Variants in ZNF841 observed in about 807,000 individuals in gnomAD.
The protein encoded by ZNF841 is TCONS_00006091.
Under a neutral mutation model 13.0 loss-of-function variants are expected in ZNF841, and 11 were observed. The observed-to-expected ratio is 0.85, with a 90% CI of 0.53 to 1.40. ZNF841 has a LOEUF of 1.40. Among genes scored for constraint, ZNF841 ranks in the 40% most tolerant of loss-of-function variants. ZNF841 has a pLI of 0.00. For missense variants in ZNF841, 1,068 were observed against 1,139.5 expected (o/e 0.94, Z 0.90); for synonymous variants, 369 against 381.6 (o/e 0.97, Z 0.38).
At chr19:52,058,645 C>T in the ZNF841 span, 3 of 152,490 alleles carry the variant, frequency 2.0e-5, no homozygotes, top group South Asian at 4.1e-4. Context: ...AAAGTGCTTC[C>T]GAAATACTGC....
chr19:52,084,814 T>C lies in ZNF841; in HGVS notation c.-13A>G, dbSNP rs1568546505. On this transcript the variant is annotated 5_prime_UTR_variant, in exon 4 of 7. Coordinates refer to ENST00000594440, the MANE Select transcript of ZNF841 (RefSeq NM_001136499.2). ...GAGGAAGAGCCATCCCTGGCTCCTT[T>C]TCTTTCTTCTTTCTCTCCTGGGCCT... 2 of 1,612,712 alleles carry C rather than the reference T, an allele frequency of 1.2e-6. No homozygotes were observed. Among genetic ancestry groups the C allele is most frequent in the Admixed American group, 1.7e-5 (1 of 59,706 alleles).
chr19:52,095,179 CAACGGGGAG>C (rs2088627168), intron 1 of ZNF841, among the ~76,000 whole-genome samples: 1 of 152,158 alleles, frequency 6.6e-6, no homozygotes, highest in Non-Finnish European at 1.5e-5. Flanking sequence ...TAACCTGTCC[CAACGGGGAG>C]TCAAGAAAAG....
At chr19:52,070,385 C>G (rs2087705451) in intron 6 of ZNF841, among the ~76,000 whole-genome samples, 1 of 152,108 alleles carries the variant, frequency 6.6e-6, no homozygotes, top group Non-Finnish European at 1.5e-5. Context: ...GACAAGGGCC[C>G]TGAGCTTTAC....
chr19:52,082,988 G>A (rs2123329180), intron 4 of ZNF841, among the ~76,000 whole-genome samples: 1 of 151,922 alleles, frequency 6.6e-6, no homozygotes, highest in South Asian at 2.1e-4. Flanking sequence ...GCTGAGGCAG[G>A]AGAATGGTGT....
intron 6 of ZNF841, among the ~76,000 whole-genome samples, chr19:52,072,310 A>C (rs551438218): frequency 1.4e-4 from 21 of 152,232 alleles, no homozygotes; most frequent in Non-Finnish European, 2.9e-4. Context: ...TAGAGAACCT[A>C]AACTATATAT....
Position 52,077,101 on chromosome 19 carries a change from A to C in ZNF841, c.16-17T>G. 1.9e-6 allele frequency: 3 copies of C among 1,601,162 alleles called. No individual in the cohort carries two copies. The highest frequency in any genetic ancestry group is 2.6e-6 in the Non-Finnish European group (3 of 1,174,008). On this transcript the variant is annotated splice_polypyrimidine_tract_variant and intron_variant, in intron 4 of 6. Transcript: ENST00000594440. ...CAAAGATCCCTGAAATGAAAAACAC[A>C]TTTCAATATGAGCAGTGGGTGAGCT...
At chr19:52,068,013 G>A (rs1568537244) in intron 6 of ZNF841, among the ~76,000 whole-genome samples, 1 of 151,922 alleles carries the variant, frequency 6.6e-6, no homozygotes, top group Admixed American at 6.6e-5. Context: ...GCAACAGCAA[G>A]ATATACTGTA....
At chr19:52,087,623 G>A (rs2088319244) in intron 3 of ZNF841, among the ~76,000 whole-genome samples, 1 of 152,072 alleles carries the variant, frequency 6.6e-6, no homozygotes, top group Non-Finnish European at 1.5e-5. Flanking sequence ...GAAGTCTCTT[G>A]TGCTGAGTGC....
chr19:52,091,947 C>T (rs188178321), intron 2 of ZNF841, among the ~76,000 whole-genome samples: 32 of 152,218 alleles, frequency 2.1e-4, no homozygotes, highest in African/African-American at 6.3e-4. Context: ...GTCAGGAGTT[C>T]GAGACCAGCC....
chr19:52,087,802 G>A (rs913483990), intron 3 of ZNF841, among the ~76,000 whole-genome samples: 9 of 151,750 alleles, frequency 5.9e-5, no homozygotes, highest in South Asian at 2.1e-4. Flanking sequence ...CCTGGCCAAC[G>A]TGGTGAAACC....
intron 3 of ZNF841, 65 bp from the exon 4 acceptor site, chr19:52,084,943 T>G: frequency 7.9e-6 from 7 of 891,656 alleles, no homozygotes; most frequent in African/African-American, 1.7e-5. Context: ...GCCACAACCA[T>G]GCCCACAGGG....
intron 4 of ZNF841, among the ~76,000 whole-genome samples, chr19:52,081,298 G>C (rs138898924): frequency 6.6e-6 from 1 of 152,106 alleles, no homozygotes; most frequent in Admixed American, 6.5e-5. Context: ...AGGACCATAC[G>C]TGTTCAACAC....
chr19:52,060,616 A>T (rs2087381378), downstream of ZNF841, among the ~76,000 whole-genome samples: 1 of 151,362 alleles, frequency 6.6e-6, no homozygotes, highest in African/African-American at 2.4e-5. Flanking sequence ...AGGGGAACTG[A>T]CTGGGGCCAC....
chr19:52,082,452 A>T (rs548091634), intron 4 of ZNF841, among the ~76,000 whole-genome samples: 56 of 152,360 alleles, frequency 3.7e-4, no homozygotes, highest in African/African-American at 1.3e-3. Context: ...GATTCAATCA[A>T]AAAAATTCAT....
In ZNF841 at chr19:52,065,608, A is replaced by T. The variant is rs2087524291; in HGVS notation, c.2274T>A (p.Ile758=). The change falls in exon 7 of 7, where the codon ATT becomes ATA. Residue 758 remains isoleucine (I), a synonymous_variant. Coordinates refer to ENST00000594440, the MANE Select transcript of ZNF841 (RefSeq NM_001136499.2). ...STTTLARHRR[I]HTGEKPYKCN... ...ATTTGTAAGGTTTCTCTCCAGTATGAATTCTCCGATGCCTTGCCAGGGTTG... is the reference window on the plus strand; with the variant it reads ...ATTTGTAAGGTTTCTCTCCAGTATGTATTCTCCGATGCCTTGCCAGGGTTG... The T allele has an allele frequency of 6.2e-7, 1 of 1,613,044 alleles. No individual in the cohort carries two copies. Among genetic ancestry groups the T allele is most frequent in the Non-Finnish European group, 8.5e-7 (1 of 1,179,488 alleles).
intron 4 of ZNF841, among the ~76,000 whole-genome samples, chr19:52,077,688 T>G (rs568335674): frequency 6.6e-6 from 1 of 152,334 alleles, no homozygotes; most frequent in African/African-American, 2.4e-5. Flanking sequence ...TGAACCCAGA[T>G]GTCTAAAAAT....
intron 3 of ZNF841, among the ~76,000 whole-genome samples, chr19:52,087,695 A>C (rs533656057): frequency 6.6e-6 from 1 of 152,102 alleles, no homozygotes; most frequent in Non-Finnish European, 1.5e-5. Flanking sequence ...TCCAAAAAAT[A>C]AACAGAGAGG....
At chr19:52,087,683 A>T (rs540128812) in intron 3 of ZNF841, among the ~76,000 whole-genome samples, 1 of 151,814 alleles carries the variant, frequency 6.6e-6, no homozygotes, top group Non-Finnish European at 1.5e-5. Context: ...GGGAAAAAAA[A>T]CTCCAAAAAA....
chr19:52,091,056 C>G (rs1393224427), intron 2 of ZNF841, among the ~76,000 whole-genome samples: 2 of 152,124 alleles, frequency 1.3e-5, no homozygotes, highest in African/African-American at 4.8e-5. Context: ...AGGACTCTTG[C>G]TCACTAGAAG....
Sources: allele counts gnomAD v4.1 joint callset (sites outside exome capture counted in the v4.1 genomes callset), GRCh38; gene constraint gnomAD v4.1.1; transcripts MANE v1.5; gene names NCBI Gene and HGNC (gene_info 2026-07-23, HGNC 2026-07-21).